LIPC: variants seen among roughly 807,000 people sequenced by gnomAD.
LIPC encodes lipase C, hepatic type, also known as hepatic triacylglycerol lipase.
Under a neutral mutation model 50.7 loss-of-function variants are expected in LIPC, and 44 were observed. That is an observed-to-expected ratio of 0.87 (90% CI 0.68 to 1.11). LIPC has a LOEUF of 1.11. Among genes scored for constraint, LIPC ranks in the 50% most tolerant of loss-of-function variants. The pLI, the probability that LIPC is intolerant of heterozygous loss-of-function variation, is 0.00. For synonymous variants in LIPC, 271 were observed against 256.4 expected (o/e 1.06, Z -0.54); for missense variants, 697 against 648.2 (o/e 1.08, Z -0.82).
chr15:58,536,028 C>T (rs1893105469), intron 1 of LIPC, among the ~76,000 whole-genome samples: 1 of 152,184 alleles, frequency 6.6e-6, no homozygotes, highest in Admixed American at 6.5e-5. Context: ...GGCTACCCTC[C>T]ATGAGTTCGC....
chr15:58,497,138 A>G (rs780014772), intron 1 of LIPC, among the ~76,000 whole-genome samples: 4 of 152,228 alleles, frequency 2.6e-5, no homozygotes, highest in Non-Finnish European at 4.4e-5. Context: ...GGCAGCTCTC[A>G]TTCCAAGGCA....
At chr15:58,449,252 T>G (rs1467714921) in intron 1 of LIPC, among the ~76,000 whole-genome samples, 1 of 152,206 alleles carries the variant, frequency 6.6e-6, no homozygotes, top group Non-Finnish European at 1.5e-5. Context: ...TGAAGCATGT[T>G]GGCAGCCATC....
intron 1 of LIPC, among the ~76,000 whole-genome samples, chr15:58,503,866 A>G (rs1171263296): frequency 3.9e-5 from 6 of 152,046 alleles, no homozygotes; most frequent in African/African-American, 1.5e-4. Flanking sequence ...CAGGGCCCAC[A>G]CCAGGGTGGA....
chr15:58,443,778 A>G (rs564931050), intron 1 of LIPC, among the ~76,000 whole-genome samples: 44 of 152,364 alleles, frequency 2.9e-4, no homozygotes, highest in African/African-American at 1.0e-3. Flanking sequence ...AGGAGTCAGC[A>G]AAGGGTGGTG....
intron 1 of LIPC, chr15:58,432,339 A>T (rs1301338605): frequency 3.4e-6 from 2 of 587,662 alleles, no homozygotes; most frequent in Non-Finnish European, 6.0e-6. Flanking sequence ...GTCTTCTAAG[A>T]GTGCCTGCAG....
At chr15:58,497,315 A>C (rs576241270) in intron 1 of LIPC, among the ~76,000 whole-genome samples, 4 of 152,248 alleles carry the variant, frequency 2.6e-5, no homozygotes, top group African/African-American at 9.6e-5. Context: ...GTGGTGGGAC[A>C]ATCTGTCAGC....
intron 8 of LIPC, among the ~76,000 whole-genome samples, chr15:58,568,391 G>A (rs1246872625): frequency 1.3e-5 from 2 of 152,200 alleles, no homozygotes; most frequent in Non-Finnish European, 2.9e-5. Flanking sequence ...CAAGGCAAAT[G>A]TGGTCAAGGA....
chr15:58,510,872 G>C (rs1595908939), intron 1 of LIPC, among the ~76,000 whole-genome samples: 1 of 152,340 alleles, frequency 6.6e-6, no homozygotes, highest in African/African-American at 2.4e-5. Context: ...GTGACACATT[G>C]CCAAGTAATG....
At chr15:58,522,683 T>G (rs1892692383) in intron 1 of LIPC, 1 of 153,608 alleles carries the variant, frequency 6.5e-6, no homozygotes, top group Non-Finnish European at 1.5e-5. Context: ...TTCCTGCCCC[T>G]GCTGCCCTCT....
intron 1 of LIPC, among the ~76,000 whole-genome samples, chr15:58,508,527 C>T (rs1293248901): frequency 6.6e-6 from 1 of 152,164 alleles, no homozygotes; most frequent in African/African-American, 2.4e-5. Flanking sequence ...CTAGCTGGTT[C>T]TTTTCCTCTC....
At chr15:58,501,046 C>G (rs1406640117) in intron 1 of LIPC, among the ~76,000 whole-genome samples, 1 of 152,064 alleles carries the variant, frequency 6.6e-6, no homozygotes, top group Non-Finnish European at 1.5e-5. Context: ...ACTGAGAAAC[C>G]TTAGCAAATC....
chr15:58,542,568 T>A lies in LIPC; in HGVS notation c.491T>A (p.Leu164Gln). ...CAACTCTCTCGAAGCCATGTTCACCTAATTGGGTACAGCCTGGGTGCACAC... is the reference window on the plus strand; with the variant it reads ...CAACTCTCTCGAAGCCATGTTCACCAAATTGGGTACAGCCTGGGTGCACAC... ...SVQLSRSHVH[L>Q]IGYSLGAHVS... is the part of the protein sequence containing the mutation. The change falls in exon 4 of 9, where the codon CTA (leucine) becomes CAA (glutamine). Residue 164 changes from leucine (L) to glutamine (Q), a missense_variant. Leu to Gln is a moderately radical substitution (Grantham distance 113). Coordinates refer to ENST00000299022, the MANE Select transcript of LIPC (RefSeq NM_000236.3). 1 of 1,613,694 alleles carries A rather than the reference T, an allele frequency of 6.2e-7. No individual in the cohort carries two copies.
intron 1 of LIPC, among the ~76,000 whole-genome samples, chr15:58,463,088 T>A (rs1468841879): frequency 6.6e-6 from 1 of 152,204 alleles, no homozygotes; most frequent in African/African-American, 2.4e-5. Context: ...GGTGTGTGGC[T>A]GTTAGAGTGG....
intron 6 of LIPC, among the ~76,000 whole-genome samples, chr15:58,554,147 G>A (rs1301478573): frequency 3.3e-5 from 5 of 152,156 alleles, no homozygotes; most frequent in African/African-American, 1.2e-4. Context: ...CTGATCTTGT[G>A]AAAAGAAAAT....
intron 1 of LIPC, among the ~76,000 whole-genome samples, chr15:58,516,866 T>G (rs1286576520): frequency 3.3e-5 from 5 of 152,264 alleles, no homozygotes; most frequent in Non-Finnish European, 7.3e-5. Context: ...CCTGCTTCTT[T>G]GCATGCCTGG....
chr15:58,501,235 C>T (rs1374076346), intron 1 of LIPC, among the ~76,000 whole-genome samples: 1 of 152,130 alleles, frequency 6.6e-6, no homozygotes, highest in Non-Finnish European at 1.5e-5. Flanking sequence ...AACAGGCCCC[C>T]TCGCCTATAT....
At chr15:58,470,597 C>CTTTTTT (rs5812936) in intron 1 of LIPC, among the ~76,000 whole-genome samples, 14,287 of 135,662 alleles carry the variant, frequency 0.11, 891 homozygotes, top group Non-Finnish European at 0.16. Context: ...CATTTAACTC[C>CTTTTTT]TTTTTTTTTT....
In LIPC at chr15:58,493,187, A is replaced by G. The variant is rs574494020; in HGVS notation, c.89-45146A>G. 8.5e-5 allele frequency among the ~76,000 whole-genome samples: 13 copies of G among 152,202 alleles called. 1 individual carries two copies. The East Asian group carries it at 2.5e-3, about 29-fold the overall frequency. ...CATCAGTGATGACTCAGCAAAATCA[A>G]CTTCACATGATTAGGAAGCTCACAT... On this transcript the variant is annotated intron_variant, in intron 1 of 8. Coordinates refer to ENST00000299022, the MANE Select transcript of LIPC (RefSeq NM_000236.3).
At chr15:58,536,447 G>A (rs527688361) in intron 1 of LIPC, among the ~76,000 whole-genome samples, 1 of 152,302 alleles carries the variant, frequency 6.6e-6, no homozygotes, top group East Asian at 1.9e-4. Context: ...ACCAAGCAGA[G>A]AGAGACCAGT....
Sources: gnomAD v4.1 joint callset for allele counts (sites outside exome capture counted in the v4.1 genomes callset) on GRCh38, gnomAD v4.1.1 for gene constraint, MANE v1.5 for transcripts, NCBI Gene and HGNC (gene_info 2026-07-23, HGNC 2026-07-21) for gene names.